EIF4G1: variants seen among roughly 807,000 people sequenced by gnomAD.
EIF4G1 encodes the protein eukaryotic translation initiation factor 4 gamma 1, also known as EIF4-gamma.
EIF4G1 carries 4 observed loss-of-function variants against 187.8 expected under a neutral mutation model. The observed-to-expected ratio is 0.02, with a 90% confidence interval of 0.01 to 0.05. The LOEUF is 0.05. Among genes scored for constraint, EIF4G1 ranks in the 10% least tolerant of loss-of-function variants. The pLI is 1.00. For missense variants in EIF4G1, 1,647 were observed against 2,081.1 expected (o/e 0.79, Z 4.06); for synonymous variants, 844 against 781.4 (o/e 1.08, Z -1.34).
chr3:184,335,078 C>A lies in EIF4G1; in HGVS notation c.*170C>A. ...GCAGGATGGCTTGGGGCTGCCTGGGCCCCCCTCCAGGATGCCGCCAGGTGT... is the reference window on the plus strand; with the variant it reads ...GCAGGATGGCTTGGGGCTGCCTGGGACCCCCTCCAGGATGCCGCCAGGTGT... On this transcript the variant is annotated 3_prime_UTR_variant, in exon 33 of 33. Coordinates refer to ENST00000346169, the MANE Select transcript of EIF4G1 (RefSeq NM_198241.3). 2 of 872,862 alleles carry A rather than the reference C, an allele frequency of 2.3e-6. No individual in the cohort carries two copies. The highest frequency in any genetic ancestry group is 3.5e-6 in the Non-Finnish European group (2 of 566,752). 54.1% of individuals were successfully genotyped at this position (872,862 alleles called of 1,614,324 possible).
Position 184,328,062 on chromosome 3 carries a change from T to A in EIF4G1, c.3953+60T>A. ...AGACCCACAATTTTCTATCTCCTTT[T>A]TGGGACCCTTGGAACCTTGCATAAG... On this transcript the variant is annotated intron_variant, in intron 26 of 32. Transcript: ENST00000346169. The A allele has an allele frequency of 1.1e-5, 18 of 1,577,624 alleles. No individual in the cohort carries two copies. In the South Asian group the frequency reaches 2.0e-4, roughly 17 times the overall value.
intron 6 of EIF4G1, among the ~76,000 whole-genome samples, chr3:184,318,675 G>C (rs985052664): frequency 2.0e-5 from 3 of 152,170 alleles, no homozygotes; most frequent in African/African-American, 7.2e-5. Context: ...CACAGTCTTG[G>C]CTCTCTGCAG....
intron 22 of EIF4G1, 71 bp from the exon 23 acceptor site, chr3:184,326,810 A>G: frequency 1.9e-6 from 3 of 1,591,300 alleles, no homozygotes; most frequent in East Asian, 2.2e-5. Flanking sequence ...CAAGTGTCCT[A>G]AACTGGCAAG....
intron 21 of EIF4G1, 79 bp from the exon 22 acceptor site, chr3:184,326,448 G>C: frequency 1.4e-6 from 2 of 1,474,438 alleles, no homozygotes; most frequent in African/African-American, 1.4e-5. Flanking sequence ...TTCACTACCT[G>C]TTTGGTTGCA....
chr3:184,326,828 T>G, intron 22 of EIF4G1, 53 bp from the exon 23 acceptor site: 1 of 1,608,540 alleles, frequency 6.2e-7, no homozygotes, highest in Non-Finnish European at 8.5e-7. Context: ...AAGTAGGGGA[T>G]AAAATGCAGG....
At chr3:184,317,196 G>A in intron 4 of EIF4G1, 125 bp from the exon 5 acceptor site, 2 of 1,147,374 alleles carry the variant, frequency 1.7e-6, no homozygotes, top group Admixed American at 1.7e-5. Context: ...GGTCTTGGAA[G>A]GATTGGTCGC....
At chr3:184,329,017 T>G (rs775595727) in intron 28 of EIF4G1, 27 bp downstream of exon 28, 13 of 1,613,540 alleles carry the variant, frequency 8.1e-6, no homozygotes, top group Non-Finnish European at 1.0e-5. Flanking sequence ...AGTCCAGAGA[T>G]GCCTCCCACG....
At chr3:184,316,622 G>A in intron 4 of EIF4G1, 1 of 1,251,220 alleles carries the variant, frequency 8.0e-7, no homozygotes, top group Non-Finnish European at 1.1e-6. Flanking sequence ...CTAAGTGGGA[G>A]GATTCTTGTC....
chr3:184,328,616 G>A lies in EIF4G1; in HGVS notation c.3954-15G>A. 2 of 1,614,118 alleles carry A rather than the reference G, an allele frequency of 1.2e-6. No homozygotes were observed. The highest frequency in any genetic ancestry group is 2.2e-5 in the South Asian group (2 of 91,064). On this transcript the variant is annotated splice_polypyrimidine_tract_variant and intron_variant, in intron 26 of 32. Transcript: ENST00000346169. The stretch of plus-strand genomic sequence containing the variant: ...ACCTGGCCTAGAATGTCTTGACTTT[G>A]AATTCCCTTGGCAGGTTGTATGAAA...
rs1723873052 is a variant in EIF4G1 at position 184,321,295 on chromosome 3, G to A, written c.711G>A (p.Gln237=). Residue 237 remains glutamine, a synonymous_variant, in exon 10 of 33, where the codon CAG becomes CAA. Transcript: ENST00000346169. ...CCTATGGTGCAGATGACCGGTCACA[G>A]GGAGCAATCATTGCTGACCGGCCAG... ...AVIVRPDDRS[Q]GAIIADRPGL... is the part of the protein sequence containing the mutation. 6.2e-7 allele frequency: 1 copy of A among 1,614,164 alleles called. No individual in the cohort carries two copies. The highest frequency in any genetic ancestry group is 1.6e-4 in the Middle Eastern group (1 of 6,062).
chr3:184,328,769 G>A lies in EIF4G1; in HGVS notation c.4079+13G>A, dbSNP rs1415175815. On this transcript the variant is annotated intron_variant, in intron 27 of 32. Coordinates refer to ENST00000346169, the MANE Select transcript of EIF4G1 (RefSeq NM_198241.3). Reference sequence around the variant, plus strand: ...GGGAGCTGTTCAGGTAAGTCCCCCTGGGTGGAATTCAGGGGAGGTAAAGAC... The same window carrying A: ...GGGAGCTGTTCAGGTAAGTCCCCCTAGGTGGAATTCAGGGGAGGTAAAGAC... The A allele has an allele frequency of 2.5e-6, 4 of 1,614,140 alleles. No individual in the cohort carries two copies. The highest frequency in any genetic ancestry group is 3.4e-6 in the Non-Finnish European group (4 of 1,180,010).
intron 28 of EIF4G1, among the ~76,000 whole-genome samples, 166 bp from the exon 29 acceptor site, chr3:184,331,100 C>T (rs951943784): frequency 6.6e-6 from 1 of 152,158 alleles, no homozygotes; most frequent in Admixed American, 6.5e-5. Flanking sequence ...TGCACCAGAC[C>T]GTAGGAATGG....
rs1296201605 is a variant in EIF4G1, at chr3:184,325,802, G to A, written c.3122-49G>A. On this transcript the variant is annotated intron_variant, in intron 20 of 32. Transcript: ENST00000346169. This position sits in a 1 kb window ranked among gnomAD's most constrained non-coding sequence, Gnocchi z 5.2. The stretch of plus-strand genomic sequence containing the variant: ...GCTGGGGGTGGCCCAAGGGGAAGGG[G>A]CTGCTAGGATTTATTCATTATTCCA... The A allele has an allele frequency of 6.2e-7, 1 of 1,613,400 alleles. No individual in the cohort carries two copies. The highest frequency in any genetic ancestry group is 1.7e-5 in the Admixed American group (1 of 60,014).
At position 184,321,833 on chromosome 3, in the gene EIF4G1, C is replaced by CA; in HGVS notation, c.1249_1250insA (p.Pro417HisfsTer4). The CA allele has an allele frequency of 6.2e-7, 1 of 1,614,160 alleles. No homozygotes were observed. The highest frequency in any genetic ancestry group is 1.1e-5 in the South Asian group (1 of 91,088). On this transcript the variant is annotated frameshift_variant, in exon 10 of 33. Coordinates refer to ENST00000346169, the MANE Select transcript of EIF4G1 (RefSeq NM_198241.3). LOFTEE classifies it high-confidence loss of function. ...CTCGCCACCAGCTGTGGACTTAAGC[C>CA]CAGTCAGTGAGCCAGAGGAGCAGGC...
At chr3:184,321,125 G>T in intron 9 of EIF4G1, 132 bp downstream of exon 9, 5 of 1,488,648 alleles carry the variant, frequency 3.4e-6, no homozygotes, top group Non-Finnish European at 4.6e-6. Flanking sequence ...GATTTTGAGG[G>T]TGAATTGGGT....
intron 28 of EIF4G1, 36 bp downstream of exon 28, chr3:184,329,026 C>T (rs770037259): frequency 2.5e-5 from 41 of 1,612,154 alleles, no homozygotes; most frequent in Middle Eastern, 1.8e-4. Context: ...ATGCCTCCCA[C>T]GGTGTGGTTT....
In EIF4G1 at chr3:184,328,429, C is replaced by T. The variant is rs1019290807; in HGVS notation, c.3954-202C>T. 5 of 766,382 alleles carry T rather than the reference C, an allele frequency of 6.5e-6. No individual in the cohort carries two copies. The Admixed American group carries it at 8.4e-5, about 13-fold the overall frequency. 47.5% of individuals were successfully genotyped at this position (766,382 alleles called of 1,614,324 possible). A position where few individuals can be genotyped will look rare whatever the true frequency, so the allele number is the denominator to read the frequency against. The stretch of plus-strand genomic sequence containing the variant: ...AAAACAGTATGGGTTCCTTGACCAT[C>T]CTGGTCAGCATAACTTTAGGGGGTT... On this transcript the variant is annotated intron_variant, in intron 26 of 32. Coordinates refer to ENST00000346169, the MANE Select transcript of EIF4G1 (RefSeq NM_198241.3).
chr3:184,323,767 C>T lies in EIF4G1; in HGVS notation c.2275-13C>T. On this transcript the variant is annotated splice_polypyrimidine_tract_variant and intron_variant, in intron 15 of 32. Transcript: ENST00000346169. The surrounding 1 kb of genome is among the most constrained non-coding windows in gnomAD (Gnocchi z 6.9). The stretch of plus-strand genomic sequence containing the variant: ...GAGACCCTCACTGGAACTCTTGTCT[C>T]TTCTCCCTCCAGGACCTATTCCGCA... 3.1e-6 allele frequency: 5 copies of T among 1,613,388 alleles called. No individual in the cohort carries two copies. The highest frequency in any genetic ancestry group is 2.2e-5 in the East Asian group (1 of 44,884).
At chr3:184,324,091 G>T in intron 16 of EIF4G1, 110 bp from the exon 17 acceptor site, 1 of 1,601,626 alleles carries the variant, frequency 6.2e-7, no homozygotes, top group Non-Finnish European at 8.5e-7. Context: ...CCAGCTGGAA[G>T]GAGGCAGAGC....
Sources: allele counts gnomAD v4.1 joint callset (sites outside exome capture counted in the v4.1 genomes callset), GRCh38; gene constraint gnomAD v4.1.1; non-coding constraint Gnocchi (gnomAD v3.1); transcripts MANE v1.5; gene names NCBI Gene and HGNC (gene_info 2026-07-23, HGNC 2026-07-21).